The following CLVS2 variants were observed in gnomAD, a reference collection of about 807,000 sequenced individuals.
The protein encoded by CLVS2 is clavesin-2.
In CLVS2, 19 loss-of-function variants were observed where a neutral mutation model predicts 29.0. The observed-to-expected ratio is 0.66, with a 90% CI of 0.46 to 0.96. The LOEUF (loss-of-function observed/expected upper bound fraction) is 0.96. Among genes scored for constraint, CLVS2 ranks in the 40% least tolerant of loss-of-function variants. The probability of loss-of-function intolerance (pLI) is 0.00; values close to 1 mark genes in which losing one functional copy is unlikely to be tolerated. For synonymous variants in CLVS2, 161 were observed against 151.3 expected (o/e 1.06, Z -0.47); for missense variants, 294 against 404.1 (o/e 0.73, Z 2.34).
intron 3 of CLVS2, among the ~76,000 whole-genome samples, chr6:123,043,204 A>C (rs1386802258): frequency 1.3e-5 from 2 of 152,182 alleles, no homozygotes; most frequent in East Asian, 3.8e-4. Context: ...TTGGAAAAAA[A>C]CTTGAGCGCA....
intron 3 of CLVS2, among the ~76,000 whole-genome samples, chr6:123,011,492 T>G (rs996044308): frequency 9.2e-5 from 14 of 152,032 alleles, no homozygotes; most frequent in African/African-American, 3.1e-4. Flanking sequence ...CTGTGCCTAT[T>G]AATTAGCTAA....
At chr6:123,054,616 T>C (rs749722265) in intron 4 of CLVS2, among the ~76,000 whole-genome samples, 1 of 152,196 alleles carries the variant, frequency 6.6e-6, no homozygotes, top group Non-Finnish European at 1.5e-5. Flanking sequence ...AATATGAATG[T>C]GTTAGCTTAT....
At chr6:123,049,346 A>C (rs1218289770) in intron 4 of CLVS2, among the ~76,000 whole-genome samples, 2 of 152,258 alleles carry the variant, frequency 1.3e-5, no homozygotes, top group African/African-American at 4.8e-5. Flanking sequence ...TATGTAAAAC[A>C]TTTGATACAG....
chr6:123,049,420 C>T (rs980694537), intron 4 of CLVS2, among the ~76,000 whole-genome samples: 1 of 152,078 alleles, frequency 6.6e-6, no homozygotes, highest in Non-Finnish European at 1.5e-5. Context: ...ATGTACATTT[C>T]ACTAATTCTT....
rs150757839 is a variant in CLVS2, at chr6:123,067,083, T to C, written c.*3322T>C. 14 of 151,916 alleles carry C rather than the reference T, an allele frequency of 9.2e-5. No homozygotes were observed. The East Asian group carries it at 2.3e-3, about 25-fold the overall frequency. 9.4% of individuals were successfully genotyped at this position (151,916 alleles called of 1,614,324 possible). ...GAGATATTTCCTAAGTTTTTTCATATAGAATACTTATTTACTTTATAGTAC... is the reference window on the plus strand; with the variant it reads ...GAGATATTTCCTAAGTTTTTTCATACAGAATACTTATTTACTTTATAGTAC... On this transcript the variant is annotated 3_prime_UTR_variant, in exon 6 of 6. Coordinates refer to ENST00000275162, the MANE Select transcript of CLVS2 (RefSeq NM_001010852.4).
chr6:122,998,613 G>A (rs1361302138), intron 2 of CLVS2, among the ~76,000 whole-genome samples: 2 of 152,114 alleles, frequency 1.3e-5, no homozygotes, highest in Admixed American at 6.5e-5. Flanking sequence ...TGGTACTGAC[G>A]TTTTATCTTT....
At position 123,068,145 on chromosome 6, in the gene CLVS2, T is replaced by C. The variant is rs1384911671; in HGVS notation, c.*4384T>C. On this transcript the variant is annotated 3_prime_UTR_variant, in exon 6 of 6. Transcript: ENST00000275162. ...TTCTCCAGTACCATAGGAAAATATA[T>C]AAGATAACAACTTTGTGGATTGAAA... is the stretch of plus-strand genomic sequence containing the variant. 1 of 151,644 alleles carries C rather than the reference T, an allele frequency of 6.6e-6. No homozygotes were observed. The highest frequency in any genetic ancestry group is 6.6e-5 in the Admixed American group (1 of 15,164). 9.4% of individuals were successfully genotyped at this position (151,644 alleles called of 1,614,324 possible). A position where few individuals can be genotyped will look rare whatever the true frequency, so the allele number is the denominator to read the frequency against.
chr6:123,006,355 A>G (rs535789728), intron 2 of CLVS2, among the ~76,000 whole-genome samples: 11 of 152,298 alleles, frequency 7.2e-5, no homozygotes, highest in African/African-American at 2.4e-4. Context: ...TGCAGTTTTG[A>G]AAGAGCCATG....
chr6:123,000,936 ATT>A, intron 2 of CLVS2, among the ~76,000 whole-genome samples: 2 of 152,332 alleles, frequency 1.3e-5, no homozygotes, highest in Middle Eastern at 6.8e-3. Context: ...AAAACAGGTT[ATT>A]TATAATTTTC....
At chr6:123,010,414 AT>A (rs888250454) in intron 2 of CLVS2, among the ~76,000 whole-genome samples, 1 of 152,066 alleles carries the variant, frequency 6.6e-6, no homozygotes, top group African/African-American at 2.4e-5. Context: ...GATGGTTTGT[AT>A]TATTGTAGGT....
In CLVS2 at chr6:123,063,778, C is replaced by G; in HGVS notation, c.*17C>G. ...CTGGACTAATAACTTCTCTACATCCCCTTCATGGATTAGAAATGGAAAGTA... is the reference window on the plus strand; with the variant it reads ...CTGGACTAATAACTTCTCTACATCCGCTTCATGGATTAGAAATGGAAAGTA... On this transcript the variant is annotated 3_prime_UTR_variant, in exon 6 of 6. Transcript: ENST00000275162. The G allele has an allele frequency of 3.3e-6, 5 of 1,509,290 alleles. No homozygotes were observed. The highest frequency in any genetic ancestry group is 4.6e-6 in the Non-Finnish European group (5 of 1,085,622). 93.5% of individuals were successfully genotyped at this position (1,509,290 alleles called of 1,614,324 possible).
intron 3 of CLVS2, among the ~76,000 whole-genome samples, chr6:123,041,439 C>CT (rs1265404826): frequency 7.2e-5 from 11 of 151,938 alleles, no homozygotes; most frequent in African/African-American, 2.7e-4. Flanking sequence ...GAAGATATGT[C>CT]ACTTGGGCAT....
At chr6:123,045,204 G>A (rs992136194) in intron 3 of CLVS2, among the ~76,000 whole-genome samples, 1 of 152,036 alleles carries the variant, frequency 6.6e-6, no homozygotes, top group African/African-American at 2.4e-5. Context: ...AAAGATGAAT[G>A]AGGCACAGTC....
intron 2 of CLVS2, among the ~76,000 whole-genome samples, chr6:123,002,834 C>A (rs1774610114): frequency 6.6e-6 from 1 of 152,128 alleles, no homozygotes; most frequent in Non-Finnish European, 1.5e-5. Flanking sequence ...GTCTAGGAGT[C>A]CTTTTCGTAA....
rs1362674533 is a variant in CLVS2, at chr6:123,066,249, C to T, written c.*2488C>T. ...TTTCCCTTCATGATATTCTGTGTCA[C>T]ATCCTATGTCTATGAATAACCTATA... On this transcript the variant is annotated 3_prime_UTR_variant, in exon 6 of 6. Coordinates refer to ENST00000275162, the MANE Select transcript of CLVS2 (RefSeq NM_001010852.4). 1.3e-5 allele frequency: 2 copies of T among 151,668 alleles called. No homozygotes were observed. The highest frequency in any genetic ancestry group is 3.9e-4 in the East Asian group (2 of 5,186). 9.4% of individuals were successfully genotyped at this position (151,668 alleles called of 1,614,324 possible).
At chr6:123,018,687 A>AG (rs1774877955) in intron 3 of CLVS2, among the ~76,000 whole-genome samples, 2 of 144,436 alleles carry the variant, frequency 1.4e-5, no homozygotes, top group South Asian at 4.4e-4. Context: ...TTTTTTTTTA[A>AG]AAAAAAGTGG....
chr6:123,015,312 T>C (rs1285739718), intron 3 of CLVS2, among the ~76,000 whole-genome samples: 1 of 151,980 alleles, frequency 6.6e-6, no homozygotes, highest in Admixed American at 6.6e-5. Context: ...CCTAATCACT[T>C]CTCTGATTTG....
chr6:123,039,993 A>G (rs1346620607), intron 3 of CLVS2, among the ~76,000 whole-genome samples: 2 of 152,200 alleles, frequency 1.3e-5, no homozygotes, highest in African/African-American at 2.4e-5. Context: ...AACAGCAGTC[A>G]CCAAAGCTGA....
At position 123,021,444 on chromosome 6, in the gene CLVS2, AT is replaced by A. The variant is rs527855480; in HGVS notation, c.564+10291del. On this transcript the variant is annotated intron_variant, in intron 3 of 5. Transcript: ENST00000275162. The stretch of plus-strand genomic sequence containing the variant: ...ATGCTTCAGTTAAAAAAAAATTATT[AT>A]TTTTTCCTCTGATTTTTTTTGGTGT... Among the ~76,000 whole-genome samples, 6 of 150,740 alleles carry A rather than the reference AT, an allele frequency of 4.0e-5. No individual in the cohort carries two copies. In the East Asian group the frequency reaches 1.2e-3, roughly 30 times the overall value.
Sources: gnomAD v4.1 joint callset for allele counts (sites outside exome capture counted in the v4.1 genomes callset) on GRCh38, gnomAD v4.1.1 for gene constraint, MANE v1.5 for transcripts, NCBI Gene and HGNC (gene_info 2026-07-23, HGNC 2026-07-21) for gene names.